The following NINJ2 variants were observed in gnomAD, a reference collection of about 807,000 sequenced individuals.
NINJ2 encodes the protein ninjurin 2, also known as ninjurin-2.
A neutral mutation model predicts 11.7 loss-of-function variants in NINJ2; 12 were observed. The observed-to-expected ratio is 1.02, with a 90% CI of 0.66 to 1.66. NINJ2 has a LOEUF of 1.66. NINJ2 is among the 40% of genes most tolerant of loss of function. The probability of loss-of-function intolerance (pLI) is 0.00; values close to 1 mark genes in which losing one functional copy is unlikely to be tolerated. For missense variants in NINJ2, 187 were observed against 181.8 expected (o/e 1.03, Z -0.16); for synonymous variants, 93 against 76.8 (o/e 1.21, Z -1.10).
rs771088352 is a variant in NINJ2, at chr12:566,131, G to A, written c.81C>T (p.Tyr27=). 79 of 1,614,050 alleles carry A rather than the reference G, an allele frequency of 4.9e-5. No homozygotes were observed. The highest frequency in any genetic ancestry group is 1.6e-4 in the Middle Eastern group (1 of 6,084). Residue 27 remains tyrosine (Y), a synonymous_variant, in exon 2 of 4, where the codon TAC becomes TAT. Coordinates refer to ENST00000305108, the MANE Select transcript of NINJ2 (RefSeq NM_016533.6). ...TCTCCGCCACGCTCTTCTTGGTGGC[G>A]TAATGGTTCAGGTTGATGGGCTGGC... ...PRSQPINLNH[Y]ATKKSVAESM... is the part of the protein sequence containing the mutation.
chr12:595,500 C>T (rs1443132344), intron 1 of NINJ2, among the ~76,000 whole-genome samples: 2 of 152,138 alleles, frequency 1.3e-5, no homozygotes, highest in African/African-American at 2.4e-5. Flanking sequence ...ATTGGCCAGG[C>T]GTGGTGGCTC....
intron 1 of NINJ2, among the ~76,000 whole-genome samples, chr12:642,443 A>C (rs2369391): frequency 0.44 from 67,461 of 151,914 alleles, 15,445 homozygotes; most frequent in South Asian, 0.52. Context: ...GCTGGCCAGG[A>C]TGGTCTTGAA....
At chr12:641,911 T>A (rs921258602) in intron 1 of NINJ2, among the ~76,000 whole-genome samples, 1 of 151,542 alleles carries the variant, frequency 6.6e-6, no homozygotes, top group South Asian at 2.1e-4. Context: ...AGCTAGGACA[T>A]TTCCTAGACT....
chr12:587,111 G>A (rs1565625458), intron 1 of NINJ2, among the ~76,000 whole-genome samples: 1 of 152,234 alleles, frequency 6.6e-6, no homozygotes, highest in South Asian at 2.1e-4. Context: ...ACCTGTGGGA[G>A]GAGGAGGCTC....
At chr12:631,504 C>T (rs1948281439) in intron 1 of NINJ2, among the ~76,000 whole-genome samples, 1 of 152,192 alleles carries the variant, frequency 6.6e-6, no homozygotes, top group African/African-American at 2.4e-5. Context: ...GCTGGGAGTA[C>T]AGGCGCGCGC....
intron 1 of NINJ2, among the ~76,000 whole-genome samples, chr12:567,818 C>T (rs895059499): frequency 6.6e-6 from 1 of 152,106 alleles, no homozygotes; most frequent in African/African-American, 2.4e-5. Context: ...CTAGCCTGGC[C>T]AACATGGCAA....
chr12:581,101 GTGTGTC>G lies in NINJ2; in HGVS notation c.34-14929_34-14924del, dbSNP rs56146843. Reference sequence around the variant, plus strand: ...TCTGTGTGTGTGTGCATGTGTCTCTGTGTGTCTGTGTCTGTGTGTGCGTGTCTCTGT... The same window carrying G: ...TCTGTGTGTGTGTGCATGTGTCTCTGTGTGTCTGTGTGTGCGTGTCTCTGT... On this transcript the variant is annotated intron_variant, in intron 1 of 3. Coordinates refer to ENST00000305108, the MANE Select transcript of NINJ2 (RefSeq NM_016533.6). This position sits in a 1 kb window ranked among gnomAD's most constrained non-coding sequence, Gnocchi z 4.9. Among the ~76,000 whole-genome samples the G allele has an allele frequency of 0.034, 5,085 of 149,550 alleles. 137 individuals carry two copies. The highest frequency in any genetic ancestry group is 0.097 in the Middle Eastern group (28 of 290).
At chr12:599,667 C>T (rs1947839808) in intron 1 of NINJ2, among the ~76,000 whole-genome samples, 1 of 152,158 alleles carries the variant, frequency 6.6e-6, no homozygotes, top group African/African-American at 2.4e-5. Flanking sequence ...GAATTTGAAC[C>T]CTGACTTGCC....
rs73034189 is a variant in NINJ2 at position 564,933 on chromosome 12, C to A, written c.*19-252G>T. Among the ~76,000 whole-genome samples, 19,642 of 152,312 alleles carry A rather than the reference C, an allele frequency of 0.13. 1,705 individuals are homozygous for A. Among genetic ancestry groups the A allele is most frequent in the Non-Finnish European group, 0.19 (12,989 of 68,010 alleles). ...GGAGAAATTCCCCATCTCCACCTTT[C>A]CTCTTGCCGGAGGGGCAGAGTCAAC... On this transcript the variant is annotated intron_variant, in intron 3 of 3. Transcript: ENST00000305108.
chr12:569,190 A>T (rs1350569221), intron 1 of NINJ2, among the ~76,000 whole-genome samples: 1 of 152,134 alleles, frequency 6.6e-6, no homozygotes, highest in Non-Finnish European at 1.5e-5. Flanking sequence ...GCCTTTGGAA[A>T]TCCAGTTCAA....
chr12:572,311 G>C (rs1947389528), intron 1 of NINJ2, among the ~76,000 whole-genome samples: 1 of 152,212 alleles, frequency 6.6e-6, no homozygotes, highest in Non-Finnish European at 1.5e-5. Context: ...CTGTGTGCCA[G>C]CGCACAGTCA....
chr12:583,728 C>G (rs1362475159), intron 1 of NINJ2, among the ~76,000 whole-genome samples: 1 of 152,176 alleles, frequency 6.6e-6, no homozygotes, highest in Non-Finnish European at 1.5e-5. Flanking sequence ...GGCGGTCAAC[C>G]CCTGCAAAGC....
Position 616,908 on chromosome 12 carries a change from T to TA in NINJ2, c.33+46419dup, listed in dbSNP as rs574526782. 2.0e-3 allele frequency among the ~76,000 whole-genome samples: 302 copies of TA among 152,186 alleles called. 4 individuals are homozygous for TA. In the East Asian group the frequency reaches 0.022, roughly 11 times the overall value. ...AAAGCTAGCATTGCCTCCAGTTCTT[T>TA]AAAAAAAGTGTGCTCAGCCGGGCGC... On this transcript the variant is annotated intron_variant, in intron 1 of 3. Transcript: ENST00000305108.
At chr12:594,176 TAGAAAATTGAAAATAATAA>T (rs778212289) in intron 1 of NINJ2, among the ~76,000 whole-genome samples, 79 of 152,262 alleles carry the variant, frequency 5.2e-4, no homozygotes, top group Non-Finnish European at 1.0e-3. Flanking sequence ...ATTGTCTATG[TAGAAAATTGAAAATAATAA>T]AGAAAATCGA....
rs146118781 is a variant in NINJ2 at position 582,139 on chromosome 12, C to T, written c.34-15961G>A. Among the ~76,000 whole-genome samples the T allele has an allele frequency of 3.6e-3, 555 of 152,378 alleles. 2 individuals are homozygous for T. The highest frequency in any genetic ancestry group is 0.013 in the African/African-American group (533 of 41,594). The stretch of plus-strand genomic sequence containing the variant: ...TTTGAACCCGGGTCTGTCCTCACCA[C>T]TGTGTTCCTCCTCCCGCAGCTCTTA... On this transcript the variant is annotated intron_variant, in intron 1 of 3. Coordinates refer to ENST00000305108, the MANE Select transcript of NINJ2 (RefSeq NM_016533.6).
intron 1 of NINJ2, among the ~76,000 whole-genome samples, chr12:661,012 G>A (rs1937950752): frequency 6.6e-6 from 1 of 152,182 alleles, no homozygotes; most frequent in South Asian, 2.1e-4. Flanking sequence ...AGCCATTGAT[G>A]TACCTTTACC....
At chr12:565,450 A>T in intron 2 of NINJ2, 49 bp from the exon 3 acceptor site, 15 of 1,582,126 alleles carry the variant, frequency 9.5e-6, no homozygotes, top group Non-Finnish European at 1.3e-5. Context: ...GGGCCACAGC[A>T]CGGAGCTGCC....
chr12:658,871 G>A (rs1937915360), intron 1 of NINJ2, among the ~76,000 whole-genome samples: 1 of 151,804 alleles, frequency 6.6e-6, no homozygotes, highest in African/African-American at 2.4e-5. Context: ...CTCATCGGTT[G>A]TAAAAAAACA....
chr12:614,493 G>A lies in NINJ2; in HGVS notation c.34-48315C>T, dbSNP rs7134287. 9.9e-5 allele frequency among the ~76,000 whole-genome samples: 15 copies of A among 152,080 alleles called. No individual in the cohort carries two copies. The highest frequency in any genetic ancestry group is 1.3e-4 in the Admixed American group (2 of 15,266). On this transcript the variant is annotated intron_variant, in intron 1 of 3. Coordinates refer to ENST00000305108, the MANE Select transcript of NINJ2 (RefSeq NM_016533.6). The surrounding 1 kb of genome is among the most constrained non-coding windows in gnomAD (Gnocchi z 5.1). ...GGTGGCGGTGTGCCTGTGTGCCCACGGGGGGCTCAGCAGATGGCACTCTTC... is the reference window on the plus strand; with the variant it reads ...GGTGGCGGTGTGCCTGTGTGCCCACAGGGGGCTCAGCAGATGGCACTCTTC...
Sources: gnomAD v4.1 joint callset for allele counts (sites outside exome capture counted in the v4.1 genomes callset) on GRCh38, gnomAD v4.1.1 for gene constraint, Gnocchi (gnomAD v3.1) non-coding constraint, MANE v1.5 for transcripts, NCBI Gene and HGNC (gene_info 2026-07-23, HGNC 2026-07-21) for gene names.